The following MTCL1 variants were observed in gnomAD, a reference collection of about 807,000 sequenced individuals.
MTCL1 encodes microtubule cross-linking factor 1.
A neutral mutation model predicts 141.4 loss-of-function variants in MTCL1; 79 were observed. The ratio of observed to expected loss-of-function variants is 0.56; its 90% CI spans 0.47 to 0.67. The LOEUF is 0.67. Ranked by LOEUF, MTCL1 falls within the 30% of genes least tolerant of loss-of-function variation. MTCL1 has a pLI of 0.00. For synonymous variants in MTCL1, 914 were observed against 875.8 expected (o/e 1.04, Z -0.77); for missense variants, 2,177 against 2,113.9 (o/e 1.03, Z -0.59).
intron 4 of MTCL1, among the ~76,000 whole-genome samples, chr18:8,754,757 T>G (rs2096388570): frequency 6.6e-6 from 1 of 152,250 alleles, no homozygotes; most frequent in Non-Finnish European, 1.5e-5. Context: ...TTCCCAATTC[T>G]GTTTTATATT....
intron 5 of MTCL1, 104 bp downstream of exon 4, chr18:8,777,996 G>A (rs1297810295): frequency 2.8e-6 from 3 of 1,073,672 alleles, no homozygotes; most frequent in Admixed American, 2.0e-5. Flanking sequence ...AACATCCAAA[G>A]AAACATTACC....
chr18:8,737,568 G>A (rs1331849240), intron 4 of MTCL1, among the ~76,000 whole-genome samples: 2 of 152,166 alleles, frequency 1.3e-5, no homozygotes, highest in Non-Finnish European at 2.9e-5. Context: ...AGAAACCATC[G>A]AAGATGCCAA....
intron 6 of MTCL1, 28 bp downstream of exon 5, chr18:8,784,871 T>G: frequency 6.6e-7 from 1 of 1,516,832 alleles, no homozygotes; most frequent in Admixed American, 2.0e-5. Flanking sequence ...TTCGCCTCCC[T>G]GCTCCGCCTT....
In MTCL1 at chr18:8,784,512, C is replaced by T. The variant is rs147236744; in HGVS notation, c.1400C>T (p.Thr467Met). ...CACGAGGCCCAGCGGCTAGAGCGGA[C>T]GGTGGAGCGCCTCATCACGGACACC... Residue 467 changes from threonine to methionine, a missense_variant, in exon 6 of 17, where the codon ACG becomes ATG. Coordinates refer to ENST00000359865, the Ensembl canonical transcript of MTCL1. 1.5e-4 allele frequency: 239 copies of T among 1,598,682 alleles called. 1 individual carries two copies. The highest frequency in any genetic ancestry group is 1.3e-3 in the Middle Eastern group (8 of 5,992).
chr18:8,721,732 C>T (rs4386190), intron 4 of MTCL1, among the ~76,000 whole-genome samples: 21 of 152,270 alleles, frequency 1.4e-4, no homozygotes, highest in Non-Finnish European at 1.5e-5. Context: ...CATTATTTGT[C>T]TATTGTCACC....
intron 9 of MTCL1, among the ~76,000 whole-genome samples, chr18:8,797,024 T>C (rs10502380): frequency 0.11 from 16,910 of 152,314 alleles, 1,069 homozygotes; most frequent in Non-Finnish European, 0.14. Context: ...CAGTTATATA[T>C]GAAACCAAGA....
chr18:8,815,539 A>G (rs7504959), intron 12 of MTCL1, among the ~76,000 whole-genome samples: 38,121 of 151,426 alleles, frequency 0.25, 5,221 homozygotes, highest in Middle Eastern at 0.32. Flanking sequence ...TAATGGGTGC[A>G]GCACACCAGC....
intron 8 of MTCL1, among the ~76,000 whole-genome samples, chr18:8,794,506 C>T (rs1434428673): frequency 2.0e-5 from 3 of 152,212 alleles, no homozygotes; most frequent in Non-Finnish European, 2.9e-5. Flanking sequence ...GCTGCTGATG[C>T]TGCCTCCCGT....
chr18:8,728,849 C>T (rs1239983756), intron 4 of MTCL1, among the ~76,000 whole-genome samples: 10 of 150,194 alleles, frequency 6.7e-5, no homozygotes, highest in East Asian at 2.0e-4. Context: ...ATTCTCCTGC[C>T]GCAGCCTCCC....
chr18:8,828,842 C>G lies in MTCL1; in HGVS notation c.4723-66C>G. ...TTGCTGACTTTAAACCTTTATTGTT[C>G]TCCTGTTTAAAAAACACTTTCCAAC... On this transcript the variant is annotated intron_variant, in intron 15 of 16. Coordinates refer to ENST00000359865, the Ensembl canonical transcript of MTCL1. This position sits in a 1 kb window ranked among gnomAD's most constrained non-coding sequence, Gnocchi z 5.2. The G allele has an allele frequency of 6.2e-7, 1 of 1,612,170 alleles. No homozygotes were observed. Among genetic ancestry groups the G allele is most frequent in the Non-Finnish European group, 8.5e-7 (1 of 1,179,562 alleles).
At position 8,706,448 on chromosome 18, in the gene MTCL1, GC is replaced by G; in HGVS notation, c.792del (p.Glu265SerfsTer90). The stretch of plus-strand genomic sequence containing the variant: ...GCAGCCCGAGGAGCGCCGCCGGGCA[GC>G]CCCGAGCCCCCAGCGCTCCTCGCCG... On this transcript the variant is annotated frameshift_variant, in exon 1 of 14. Transcript: ENST00000306329. LOFTEE classifies it high-confidence loss of function. 8.1e-7 allele frequency: 1 copy of G among 1,232,948 alleles called. No homozygotes were observed. Among genetic ancestry groups the G allele is most frequent in the South Asian group, 4.0e-5 (1 of 25,224 alleles). The allele number at this position is 1,232,948 out of a possible 1,614,324, so 76.4% of individuals were successfully genotyped here.
exon 6 of MTCL1, chr18:8,783,671 G>T: frequency 6.2e-7 from 1 of 1,612,188 alleles, no homozygotes; most frequent in Non-Finnish European, 8.5e-7. Context: ...CTATGGGGAT[G>T]TGGACAGTCC....
intron 5 of MTCL1, among the ~76,000 whole-genome samples, chr18:8,783,118 T>G (rs1340593995): frequency 1.3e-5 from 2 of 152,066 alleles, no homozygotes; most frequent in Non-Finnish European, 2.9e-5. Context: ...TGGTGAGGGG[T>G]CCTGCTGTCT....
At chr18:8,826,951 T>A (rs2077046714) in intron 15 of MTCL1, among the ~76,000 whole-genome samples, 1 of 152,250 alleles carries the variant, frequency 6.6e-6, no homozygotes, top group Non-Finnish European at 1.5e-5. Context: ...ACAAAACGCT[T>A]CCCATTTCCA....
intron 11 of MTCL1, among the ~76,000 whole-genome samples, chr18:8,812,487 G>A (rs1435911684): frequency 1.3e-5 from 2 of 152,110 alleles, no homozygotes; most frequent in African/African-American, 4.8e-5. Flanking sequence ...TCTATGACAT[G>A]GGTCATTTTT....
chr18:8,707,214 CA>C (rs2096062991), intron 1 of MTCL1: 2 of 153,038 alleles, frequency 1.3e-5, no homozygotes, highest in African/African-American at 4.8e-5. Flanking sequence ...TGGGGGCTCT[CA>C]GGGTCTCCTG....
chr18:8,824,713 C>A, exon 15 of MTCL1: 1 of 1,612,210 alleles, frequency 6.2e-7, no homozygotes, highest in Non-Finnish European at 8.5e-7. Context: ...GTGTCCGTGT[C>A]CTCCATGTCT....
chr18:8,812,162 T>G (rs1363707127), intron 11 of MTCL1, among the ~76,000 whole-genome samples: 1 of 152,242 alleles, frequency 6.6e-6, no homozygotes, highest in Non-Finnish European at 1.5e-5. Context: ...TATATTTACA[T>G]AGATGTCATT....
chr18:8,720,516 G>C lies in MTCL1; in HGVS notation c.357+20G>C, dbSNP rs374498279. The C allele has an allele frequency of 2.7e-5, 44 of 1,608,100 alleles. 1 individual carries two copies. In the Admixed American group the frequency reaches 6.6e-4, roughly 24 times the overall value. ...AAAGAGGTAATCCAAAACTGTGGGG[G>C]TCCTGCCCCCTTGGATTTAATAAGG... On this transcript the variant is annotated intron_variant, in intron 4 of 16. Coordinates refer to ENST00000359865, the Ensembl canonical transcript of MTCL1.
Sources: allele counts gnomAD v4.1 joint callset (sites outside exome capture counted in the v4.1 genomes callset), GRCh38; gene constraint gnomAD v4.1.1; non-coding constraint Gnocchi (gnomAD v3.1); transcripts MANE v1.5; gene names NCBI Gene and HGNC (gene_info 2026-07-23, HGNC 2026-07-21).